The following DNAI3 variants were observed in gnomAD, a reference collection of about 807,000 sequenced individuals.
DNAI3 encodes the protein WD repeat domain 63.
DNAI3 carries 83 observed loss-of-function variants against 115.5 expected under a neutral mutation model. The ratio of observed to expected loss-of-function variants is 0.72; its 90% CI spans 0.60 to 0.86. The LOEUF is 0.86. Ranked by LOEUF, DNAI3 falls within the 40% of genes least tolerant of loss-of-function variation. DNAI3 has a pLI of 0.00. For synonymous variants in DNAI3, 320 were observed against 347.0 expected, an observed-to-expected ratio of 0.92 and a Z score of 0.86; for missense variants, 1,004 against 1,075.8, an observed-to-expected ratio of 0.93 and a Z score of 0.93.
At chr1:85,121,935 TACTG>T in intron 18 of DNAI3, 121 bp downstream of exon 18, 2 of 971,720 alleles carry the variant, frequency 2.1e-6, no homozygotes, top group South Asian at 3.2e-5. Flanking sequence ...GCTCCTAAGG[TACTG>T]ACTAATAAAG....
At chr1:85,116,420 T>G (rs1655817786) in intron 16 of DNAI3, among the ~76,000 whole-genome samples, 1 of 152,226 alleles carries the variant, frequency 6.6e-6, no homozygotes, top group Non-Finnish European at 1.5e-5. Context: ...TGTCTCCCCT[T>G]GTGAGACCAG....
chr1:85,107,151 T>C (rs74098036), intron 14 of DNAI3, among the ~76,000 whole-genome samples: 3,753 of 152,280 alleles, frequency 0.025, 127 homozygotes, highest in African/African-American at 0.077. Context: ...AATGTAAAAA[T>C]GGTGCAGTTG....
At chr1:85,114,792 A>G (rs1233773047) in intron 16 of DNAI3, among the ~76,000 whole-genome samples, 1 of 152,158 alleles carries the variant, frequency 6.6e-6, no homozygotes, top group Non-Finnish European at 1.5e-5. Context: ...AGTCCTCGCT[A>G]TCCCACCATT....
intron 21 of DNAI3, 95 bp downstream of exon 21, chr1:85,128,894 C>A: frequency 1.8e-6 from 2 of 1,110,044 alleles, no homozygotes; most frequent in Non-Finnish European, 2.7e-6. Flanking sequence ...CATTTTTGCT[C>A]TGTAAGGGAA....
intron 1 of DNAI3, among the ~76,000 whole-genome samples, chr1:85,067,169 G>A (rs1469619254): frequency 2.0e-5 from 3 of 152,086 alleles, no homozygotes; most frequent in Admixed American, 6.6e-5. Flanking sequence ...TCTATCGATG[G>A]TGCCTAGAAA....
At chr1:85,085,113 C>T (rs757137534) in intron 6 of DNAI3, among the ~76,000 whole-genome samples, 8 of 152,048 alleles carry the variant, frequency 5.3e-5, no homozygotes, top group Non-Finnish European at 8.8e-5. Context: ...GATACACAAA[C>T]CAAGGAACAC....
In DNAI3 at chr1:85,082,354, CTTAACTT is replaced by C; in HGVS notation, c.344_350del (p.Asn115IlefsTer13). 6.2e-7 allele frequency: 1 copy of C among 1,613,868 alleles called. No homozygotes were observed. Among genetic ancestry groups the C allele is most frequent in the Non-Finnish European group, 8.5e-7 (1 of 1,179,870 alleles). On this transcript the variant is annotated frameshift_variant, in exon 5 of 23. Transcript: ENST00000294664. LOFTEE classifies it high-confidence loss of function. The stretch of plus-strand genomic sequence containing the variant: ...TTATGACAAAGACTTCAAATATGGA[CTTAACTT>C]TTATCTTATTGCAACTGAAGAGGGC...
intron 13 of DNAI3, among the ~76,000 whole-genome samples, chr1:85,101,551 C>T (rs568919195): frequency 2.2e-4 from 33 of 151,722 alleles, no homozygotes; most frequent in African/African-American, 5.5e-4. Flanking sequence ...GGTGAAAGCC[C>T]GTCTCTACTA....
intron 1 of DNAI3, among the ~76,000 whole-genome samples, chr1:85,064,763 T>C (rs1363375939): frequency 6.6e-6 from 1 of 152,038 alleles, no homozygotes; most frequent in African/African-American, 2.4e-5. Context: ...CTGGGTGCAG[T>C]GACTCACGCC....
chr1:85,070,407 C>T (rs1654232121), intron 1 of DNAI3, among the ~76,000 whole-genome samples: 1 of 152,110 alleles, frequency 6.6e-6, no homozygotes. Flanking sequence ...CTATTGGAGC[C>T]AGGCTGCTTG....
rs78875462 is a variant in DNAI3 at position 85,082,531 on chromosome 1, A to G, written c.390+127A>G. 1,939 of 708,326 alleles carry G rather than the reference A, an allele frequency of 2.7e-3. 58 individuals are homozygous for G. In the East Asian group the frequency reaches 0.043, roughly 16 times the overall value. 43.9% of individuals were successfully genotyped at this position (708,326 alleles called of 1,614,324 possible). A position where few individuals can be genotyped will look rare whatever the true frequency, so the allele number is the denominator to read the frequency against. On this transcript the variant is annotated intron_variant, in intron 5 of 22. Transcript: ENST00000294664. ...CACAATCATGGTCACTGCAACGTCAATCTCCCAGGCCCAAGTGATCCTCCC... is the reference window on the plus strand; with the variant it reads ...CACAATCATGGTCACTGCAACGTCAGTCTCCCAGGCCCAAGTGATCCTCCC...
In DNAI3 at chr1:85,104,642, T is replaced by A. The variant is rs759423869; in HGVS notation, c.1553+45T>A. 4 of 1,544,876 alleles carry A rather than the reference T, an allele frequency of 2.6e-6. No individual in the cohort carries two copies. The African/African-American group carries it at 4.1e-5, about 16-fold the overall frequency. The stretch of plus-strand genomic sequence containing the variant: ...TTTCCTAATGTGTTTTCATACATGG[T>A]GTTTTTTCTTCGATGCTCCTAAAAT... On this transcript the variant is annotated intron_variant, in intron 14 of 22. Coordinates refer to ENST00000294664, the MANE Select transcript of DNAI3 (RefSeq NM_145172.5).
At chr1:85,091,684 G>T (rs1654980274) in intron 8 of DNAI3, among the ~76,000 whole-genome samples, 1 of 152,170 alleles carries the variant, frequency 6.6e-6, no homozygotes, top group South Asian at 2.1e-4. Context: ...TGCAAAAGAA[G>T]GCAATGACAT....
At chr1:85,092,141 A>G (rs1033744018) in intron 8 of DNAI3, among the ~76,000 whole-genome samples, 6 of 152,178 alleles carry the variant, frequency 3.9e-5, no homozygotes, top group Non-Finnish European at 7.3e-5. Context: ...AGTCGGGTGG[A>G]GCCTGCGACT....
At chr1:85,115,144 T>C (rs946482135) in intron 16 of DNAI3, among the ~76,000 whole-genome samples, 1 of 152,224 alleles carries the variant, frequency 6.6e-6, no homozygotes, top group Admixed American at 6.5e-5. Context: ...TACCTCTCTG[T>C]ACCTTAGTTG....
chr1:85,108,334 ATTGG>A, intron 15 of DNAI3, among the ~76,000 whole-genome samples, 157 bp downstream of exon 15: 1 of 152,148 alleles, frequency 6.6e-6, no homozygotes. Flanking sequence ...AAATTCCTTG[ATTGG>A]GAGGATTTTT....
intron 3 of DNAI3, among the ~76,000 whole-genome samples, chr1:85,080,046 C>CTTTTTTTT (rs35938324): frequency 1.8e-4 from 12 of 68,378 alleles, no homozygotes; most frequent in African/African-American, 2.3e-4. Context: ...TTTTCTTTTT[C>CTTTTTTTT]TTTTTTTTTT....
chr1:85,129,702 G>A (rs552354062), intron 21 of DNAI3, among the ~76,000 whole-genome samples: 5 of 152,254 alleles, frequency 3.3e-5, no homozygotes, highest in Admixed American at 3.3e-4. Flanking sequence ...AAGTCACAGA[G>A]CCCTAAATGT....
chr1:85,070,121 C>T (rs1246972939), intron 1 of DNAI3, among the ~76,000 whole-genome samples: 7 of 152,118 alleles, frequency 4.6e-5, no homozygotes, highest in South Asian at 4.2e-4. Context: ...ATTAGCCGGG[C>T]GTGCTGGCGT....
Sources: gnomAD v4.1 joint callset for allele counts (sites outside exome capture counted in the v4.1 genomes callset) on GRCh38, gnomAD v4.1.1 for gene constraint, MANE v1.5 for transcripts, NCBI Gene and HGNC (gene_info 2026-07-23, HGNC 2026-07-21) for gene names.